NKAIN2: variants seen among roughly 807,000 people sequenced by gnomAD.
The protein encoded by NKAIN2 is sodium/potassium transporting ATPase interacting 2.
NKAIN2 carries 14 observed loss-of-function variants against 32.6 expected under a neutral mutation model. That is an observed-to-expected ratio of 0.43 (90% CI 0.28 to 0.67). The LOEUF is 0.67. NKAIN2 is among the 30% of genes least tolerant of loss of function. The probability of loss-of-function intolerance (pLI) is 0.17; values close to 1 mark genes in which losing one functional copy is unlikely to be tolerated. For synonymous variants in NKAIN2, 80 were observed against 87.2 expected (o/e 0.92, Z 0.46); for missense variants, 198 against 258.3 (o/e 0.77, Z 1.60).
chr6:123,836,273 A>G (rs1349190431), intron 1 of NKAIN2, among the ~76,000 whole-genome samples: 1 of 152,046 alleles, frequency 6.6e-6, no homozygotes, highest in East Asian at 1.9e-4. Flanking sequence ...CCAAAAGGTA[A>G]TATATGAAAA....
intron 3 of NKAIN2, among the ~76,000 whole-genome samples, chr6:124,610,998 A>AAAAC (rs1358207560): frequency 1.3e-5 from 2 of 152,216 alleles, no homozygotes; most frequent in African/African-American, 4.8e-5. Flanking sequence ...ACTTCAATCT[A>AAAAC]AAACACTCTT....
intron 1 of NKAIN2, among the ~76,000 whole-genome samples, chr6:124,058,096 G>A (rs1392167326): frequency 3.3e-5 from 5 of 151,824 alleles, no homozygotes; most frequent in Non-Finnish European, 7.4e-5. Flanking sequence ...TTTCCTTAGA[G>A]AAATATGAAG....
intron 1 of NKAIN2, among the ~76,000 whole-genome samples, chr6:124,171,754 G>A (rs802220): frequency 0.58 from 87,568 of 150,110 alleles, 27,746 homozygotes; most frequent in Non-Finnish European, 0.72. Flanking sequence ...GTTTCACCGT[G>A]TTGCCCAGGC....
At chr6:124,822,283 T>C (rs1246566144) in intron 6 of NKAIN2, among the ~76,000 whole-genome samples, 2 of 152,172 alleles carry the variant, frequency 1.3e-5, no homozygotes, top group African/African-American at 2.4e-5. Flanking sequence ...GCATCTCCTA[T>C]GTCTTTATCA....
chr6:123,855,484 G>A (rs1328076569), intron 1 of NKAIN2, among the ~76,000 whole-genome samples: 1 of 151,626 alleles, frequency 6.6e-6, no homozygotes, highest in African/African-American at 2.4e-5. Context: ...TGACCCAGAA[G>A]TGATGAGTGT....
chr6:124,091,620 GT>G (rs1284119120), intron 1 of NKAIN2, among the ~76,000 whole-genome samples: 2 of 151,872 alleles, frequency 1.3e-5, no homozygotes, highest in Non-Finnish European at 2.9e-5. Context: ...CTGCAAGCCA[GT>G]TACCTTCTCT....
intron 2 of NKAIN2, among the ~76,000 whole-genome samples, chr6:124,344,746 G>A (rs914612199): frequency 1.3e-5 from 2 of 152,142 alleles, no homozygotes; most frequent in African/African-American, 2.4e-5. Context: ...AGACAATGGG[G>A]TTTTCTAGAT....
At chr6:124,438,640 C>A (rs1775562046) in intron 3 of NKAIN2, among the ~76,000 whole-genome samples, 1 of 152,176 alleles carries the variant, frequency 6.6e-6, no homozygotes, top group Non-Finnish European at 1.5e-5. Context: ...TATGTTCTCA[C>A]TGCTTAGCCT....
At chr6:124,049,575 T>C (rs1464005319) in intron 1 of NKAIN2, among the ~76,000 whole-genome samples, 15 of 152,220 alleles carry the variant, frequency 9.9e-5, no homozygotes, top group African/African-American at 3.4e-4. Flanking sequence ...CAGTTACCTG[T>C]AGTCAACCAC....
intron 1 of NKAIN2, among the ~76,000 whole-genome samples, chr6:124,259,054 T>C (rs973933297): frequency 6.6e-6 from 1 of 152,134 alleles, no homozygotes; most frequent in African/African-American, 2.4e-5. Flanking sequence ...AAATGTTGCA[T>C]GGAGGTGGTT....
At chr6:124,195,991 T>C (rs1790297226) in intron 1 of NKAIN2, among the ~76,000 whole-genome samples, 1 of 152,112 alleles carries the variant, frequency 6.6e-6, no homozygotes, top group Non-Finnish European at 1.5e-5. Flanking sequence ...TTGTACTAAA[T>C]ATTATAAATT....
chr6:124,433,979 GA>G (rs531869087), intron 3 of NKAIN2, among the ~76,000 whole-genome samples: 1 of 151,924 alleles, frequency 6.6e-6, no homozygotes, highest in East Asian at 1.9e-4. Flanking sequence ...AGGATAAAGC[GA>G]AAAAAATCCC....
At chr6:124,507,799 C>T (rs554053870) in intron 3 of NKAIN2, among the ~76,000 whole-genome samples, 1 of 152,078 alleles carries the variant, frequency 6.6e-6, no homozygotes, top group East Asian at 1.9e-4. Context: ...AGCATGGTAC[C>T]AAACCCGGGG....
intron 4 of NKAIN2, among the ~76,000 whole-genome samples, chr6:124,761,052 TC>T: frequency 6.6e-6 from 1 of 152,312 alleles, no homozygotes; most frequent in South Asian, 2.1e-4. Flanking sequence ...GTCTGCATCA[TC>T]AGTAAAGATA....
chr6:124,480,779 G>T (rs767910162), intron 3 of NKAIN2, among the ~76,000 whole-genome samples: 1 of 152,024 alleles, frequency 6.6e-6, no homozygotes, highest in Non-Finnish European at 1.5e-5. Context: ...ATAGAAAAGT[G>T]TAATATCTGA....
intron 1 of NKAIN2, among the ~76,000 whole-genome samples, chr6:124,132,971 T>C (rs1015667208): frequency 6.6e-6 from 1 of 152,272 alleles, no homozygotes; most frequent in South Asian, 2.1e-4. Context: ...GGCCTCAAGT[T>C]CCATGTCTTT....
At chr6:124,334,888 G>A (rs1020146651) in intron 2 of NKAIN2, among the ~76,000 whole-genome samples, 1 of 152,136 alleles carries the variant, frequency 6.6e-6, no homozygotes, top group Non-Finnish European at 1.5e-5. Flanking sequence ...TTGAGCCCAC[G>A]CTCAGGAATG....
At chr6:124,065,126 T>C (rs1371980657) in intron 1 of NKAIN2, among the ~76,000 whole-genome samples, 1 of 152,134 alleles carries the variant, frequency 6.6e-6, no homozygotes, top group Non-Finnish European at 1.5e-5. Flanking sequence ...GCCTCTTGTT[T>C]CCACAAAGGT....
chr6:124,549,891 A>C (rs1235208172), intron 3 of NKAIN2, among the ~76,000 whole-genome samples: 1 of 152,160 alleles, frequency 6.6e-6, no homozygotes, highest in Admixed American at 6.5e-5. Context: ...GACCATGATT[A>C]TTTGGTTAAG....
Sources: allele counts gnomAD v4.1 joint callset (sites outside exome capture counted in the v4.1 genomes callset), GRCh38; gene constraint gnomAD v4.1.1; transcripts MANE v1.5; gene names NCBI Gene and HGNC (gene_info 2026-07-23, HGNC 2026-07-21).